PCDHA1: variants seen among roughly 807,000 people sequenced by gnomAD.
PCDHA1 encodes protocadherin alpha 1.
PCDHA1 carries 42 observed loss-of-function variants against 61.3 expected under a neutral mutation model. The ratio of observed to expected loss-of-function variants is 0.69; its 90% CI spans 0.54 to 0.89. The LOEUF is 0.89. Among genes scored for constraint, PCDHA1 ranks in the 40% least tolerant of loss-of-function variants. The pLI is 0.00. For synonymous variants in PCDHA1, 610 were observed against 553.8 expected (o/e 1.10, Z -1.43); for missense variants, 1,256 against 1,235.3 (o/e 1.02, Z -0.25).
intron 3 of PCDHA1, among the ~76,000 whole-genome samples, chr5:140,996,257 C>G (rs186736348): frequency 1.4e-4 from 22 of 152,342 alleles, no homozygotes; most frequent in African/African-American, 5.3e-4. Flanking sequence ...GACAGCAACA[C>G]AGAGCCTGGG....
intron 1 of PCDHA1, among the ~76,000 whole-genome samples, chr5:140,917,131 G>C (rs572644426): frequency 6.6e-6 from 1 of 152,072 alleles, no homozygotes; most frequent in Non-Finnish European, 1.5e-5. Flanking sequence ...GACTCCCCAC[G>C]TTGCTCAGCT....
At chr5:140,994,573 C>A (rs1587629172) in intron 3 of PCDHA1, among the ~76,000 whole-genome samples, 1 of 152,000 alleles carries the variant, frequency 6.6e-6, no homozygotes, top group African/African-American at 2.4e-5. Context: ...GGTGTGGTGG[C>A]ATGCACTTGT....
chr5:140,882,218 G>A, intron 1 of PCDHA1: 5 of 1,545,760 alleles, frequency 3.2e-6, no homozygotes, highest in Non-Finnish European at 4.4e-6. Flanking sequence ...GACAGTTTGA[G>A]GTAAGGCGTT....
intron 1 of PCDHA1, chr5:140,870,622 G>A (rs377101052): frequency 6.2e-7 from 1 of 1,613,120 alleles, no homozygotes; most frequent in Admixed American, 1.7e-5. Flanking sequence ...GTCGAGCTAC[G>A]TGTCGGTGCA....
intron 1 of PCDHA1, among the ~76,000 whole-genome samples, chr5:140,790,786 G>T (rs1554118587): frequency 6.6e-6 from 1 of 152,152 alleles, no homozygotes; most frequent in African/African-American, 2.4e-5. Flanking sequence ...AGTTTTCTAG[G>T]TTAGTTGAGT....
At chr5:140,969,235 A>G (rs781795606) in intron 1 of PCDHA1, 2 of 1,614,206 alleles carry the variant, frequency 1.2e-6, no homozygotes, top group Non-Finnish European at 1.7e-6. Flanking sequence ...CGGGAGCCCA[A>G]GCAGCAGTGA....
intron 1 of PCDHA1, among the ~76,000 whole-genome samples, chr5:140,952,473 A>C (rs1262702527): frequency 6.6e-6 from 1 of 152,210 alleles, no homozygotes; most frequent in Non-Finnish European, 1.5e-5. Flanking sequence ...GCATAAGGAA[A>C]GTGACATTTG....
intron 1 of PCDHA1, chr5:140,856,613 A>G: frequency 6.3e-7 from 1 of 1,598,082 alleles, no homozygotes; most frequent in Non-Finnish European, 8.6e-7. Flanking sequence ...AGACAAAGAC[A>G]AATTCCCAGT....
At chr5:140,861,707 G>T (rs1181948705) in intron 1 of PCDHA1, 1 of 218,782 alleles carries the variant, frequency 4.6e-6, no homozygotes, top group African/African-American at 2.3e-5. Context: ...TGATGCCGAC[G>T]TCGGGGCCAA....
intron 1 of PCDHA1, chr5:140,823,032 C>A: frequency 1.2e-6 from 2 of 1,614,230 alleles, no homozygotes; most frequent in Non-Finnish European, 8.5e-7. Flanking sequence ...GCGTGTCGGT[C>A]TATGAGCTGG....
chr5:140,838,089 T>TA (rs1775524644), intron 1 of PCDHA1, among the ~76,000 whole-genome samples: 1 of 121,926 alleles, frequency 8.2e-6, no homozygotes, highest in East Asian at 2.1e-4. Context: ...TGTGTGTGTG[T>TA]GTGTGTGTGT....
At chr5:140,887,473 G>T (rs574265811) in intron 1 of PCDHA1, among the ~76,000 whole-genome samples, 10 of 152,222 alleles carry the variant, frequency 6.6e-5, no homozygotes, top group African/African-American at 2.4e-4. Flanking sequence ...TAATTCAGTT[G>T]TCTTCTGGCT....
intron 1 of PCDHA1, chr5:140,803,819 A>G: frequency 1.5e-6 from 1 of 663,036 alleles, no homozygotes; most frequent in South Asian, 2.1e-5. Context: ...TTTTGTTATT[A>G]GGTGCAGTAG....
intron 1 of PCDHA1, chr5:140,796,901 G>T (rs782098586): frequency 4.3e-6 from 7 of 1,613,776 alleles, no homozygotes; most frequent in Non-Finnish European, 5.9e-6. Context: ...CCTCGACACC[G>T]CCTACTCGTG....
chr5:140,886,841 A>AG (rs1432829346), intron 1 of PCDHA1, among the ~76,000 whole-genome samples: 1 of 151,546 alleles, frequency 6.6e-6, no homozygotes, highest in Non-Finnish European at 1.5e-5. Flanking sequence ...AAAAAAAAAA[A>AG]AAAAAAGAAA....
chr5:140,788,807 C>T, intron 1 of PCDHA1, 123 bp downstream of exon 1: 1 of 1,428,316 alleles, frequency 7.0e-7, no homozygotes, highest in Non-Finnish European at 9.2e-7. Flanking sequence ...ATAAATCATA[C>T]CATTGAATGT....
chr5:140,826,455 A>G (rs1768943541), intron 1 of PCDHA1, among the ~76,000 whole-genome samples: 1 of 152,202 alleles, frequency 6.6e-6, no homozygotes, highest in African/African-American at 2.4e-5. Context: ...TTTGTGTCAC[A>G]ATCATCTGTG....
At chr5:140,883,525 A>G in intron 1 of PCDHA1, 1 of 1,614,220 alleles carries the variant, frequency 6.2e-7, no homozygotes, top group Middle Eastern at 1.7e-4. Context: ...AGAGCGTATC[A>G]GCCTATGAAC....
chr5:140,855,802 G>A (rs1329894390), intron 1 of PCDHA1: 2 of 477,954 alleles, frequency 4.2e-6, no homozygotes, highest in East Asian at 6.4e-5. Flanking sequence ...ACATATGAAT[G>A]AAAGAAAAGT....
Sources: allele counts gnomAD v4.1 joint callset (sites outside exome capture counted in the v4.1 genomes callset), GRCh38; gene constraint gnomAD v4.1.1; transcripts MANE v1.5; gene names NCBI Gene and HGNC (gene_info 2026-07-23, HGNC 2026-07-21).